Variants in CUX2 observed in about 807,000 individuals in gnomAD.
The protein encoded by CUX2 is homeobox protein cut-like 2.
CUX2 carries 40 observed loss-of-function variants against 144.8 expected under a neutral mutation model. The ratio of observed to expected loss-of-function variants is 0.28; its 90% CI spans 0.21 to 0.36. The LOEUF is 0.36. CUX2 is among the 10% of genes least tolerant of loss of function. The pLI is 1.00. For synonymous variants in CUX2, 827 were observed against 875.6 expected, an observed-to-expected ratio of 0.94 and a Z score of 0.98; for missense variants, 1,615 against 1,994.0, an observed-to-expected ratio of 0.81 and a Z score of 3.62.
chr12:111,325,643 T>G (rs1887744199), intron 18 of CUX2, among the ~76,000 whole-genome samples: 1 of 142,784 alleles, frequency 7.0e-6, no homozygotes, highest in Admixed American at 7.1e-5. Flanking sequence ...GGGGTGGGTT[T>G]TGTTTATAGT....
At chr12:111,082,022 T>G (rs983378355) in intron 1 of CUX2, among the ~76,000 whole-genome samples, 2 of 152,222 alleles carry the variant, frequency 1.3e-5, no homozygotes, top group African/African-American at 4.8e-5. Context: ...TTGCTCTTCC[T>G]TGGGGTGGTG....
At chr12:111,131,395 A>G (rs1875468983) in intron 1 of CUX2, among the ~76,000 whole-genome samples, 1 of 152,176 alleles carries the variant, frequency 6.6e-6, no homozygotes, top group Non-Finnish European at 1.5e-5. Context: ...GGGTTGGGGC[A>G]CAGCCAAACC....
In CUX2 at chr12:111,044,970, A is replaced by G. The variant is rs577751553; in HGVS notation, c.63+10730A>G. Among the ~76,000 whole-genome samples the G allele has an allele frequency of 4.6e-5, 7 of 152,282 alleles. 1 individual carries two copies. The South Asian group carries it at 6.2e-4, about 14-fold the overall frequency. On this transcript the variant is annotated intron_variant, in intron 1 of 21. Coordinates refer to ENST00000261726, the MANE Select transcript of CUX2 (RefSeq NM_015267.4). ...CAGCTCCCATCTAATTAGTATATCT[A>G]TTTATTAATTGCTGGAAGGCTGCAG... is the stretch of plus-strand genomic sequence containing the variant.
chr12:111,079,871 A>G (rs1871772577), intron 1 of CUX2, among the ~76,000 whole-genome samples: 1 of 152,184 alleles, frequency 6.6e-6, no homozygotes, highest in African/African-American at 2.4e-5. Flanking sequence ...GGTGACAAGC[A>G]GGTGCCCACA....
At chr12:111,228,424 G>A (rs531515719) in intron 3 of CUX2, among the ~76,000 whole-genome samples, 10 of 152,178 alleles carry the variant, frequency 6.6e-5, no homozygotes, top group Middle Eastern at 3.4e-3. Context: ...TGGTGTGTGT[G>A]TGTGTGTATA....
chr12:111,331,088 G>A (rs895181854), intron 18 of CUX2, among the ~76,000 whole-genome samples: 3 of 151,672 alleles, frequency 2.0e-5, no homozygotes, highest in African/African-American at 7.3e-5. Flanking sequence ...GGGGAGTGAG[G>A]GAAATGCTGT....
rs372192125 is a variant in CUX2 at position 111,113,112 on chromosome 12, G to A, written c.63+78872G>A. ...GGAACAGCATGAACAAAGACCCTGAGGCCTGGAGCCCCGAAGTTAATAGAG... is the reference window on the plus strand; with the variant it reads ...GGAACAGCATGAACAAAGACCCTGAAGCCTGGAGCCCCGAAGTTAATAGAG... On this transcript the variant is annotated intron_variant, in intron 1 of 21. Transcript: ENST00000261726. Among the ~76,000 whole-genome samples, 22 of 152,266 alleles carry A rather than the reference G, an allele frequency of 1.4e-4. No individual in the cohort carries two copies. In the East Asian group the frequency reaches 3.3e-3, roughly 23 times the overall value.
At chr12:111,211,241 G>A (rs1042643227) in intron 1 of CUX2, among the ~76,000 whole-genome samples, 1 of 152,220 alleles carries the variant, frequency 6.6e-6, no homozygotes, top group African/African-American at 2.4e-5. Context: ...GTGGATGTCA[G>A]TGACTTCGTC....
chr12:111,270,164 A>G (rs1884570713), intron 4 of CUX2: 1 of 151,384 alleles, frequency 6.6e-6, no homozygotes, highest in African/African-American at 2.4e-5. Context: ...AACCCCCTCC[A>G]TAAAAATAAC....
At chr12:111,262,891 C>T (rs977885697) in intron 3 of CUX2, among the ~76,000 whole-genome samples, 5 of 152,212 alleles carry the variant, frequency 3.3e-5, no homozygotes, top group African/African-American at 1.2e-4. Flanking sequence ...TTCCAGTCTA[C>T]CCTTTACTAA....
At chr12:111,163,115 C>T (rs1197581074) in intron 1 of CUX2, among the ~76,000 whole-genome samples, 1 of 151,916 alleles carries the variant, frequency 6.6e-6, no homozygotes, top group Admixed American at 6.6e-5. Context: ...TGCTGACTGG[C>T]TGCCTGACCT....
chr12:111,060,079 T>C (rs1308898765), intron 1 of CUX2, among the ~76,000 whole-genome samples: 1 of 152,098 alleles, frequency 6.6e-6, no homozygotes, highest in East Asian at 1.9e-4. Context: ...CTGTGAGAGA[T>C]CTTTATTGAA....
intron 3 of CUX2, among the ~76,000 whole-genome samples, chr12:111,261,731 T>G (rs1420099237): frequency 6.6e-6 from 1 of 152,078 alleles, no homozygotes; most frequent in Admixed American, 6.6e-5. Context: ...CGAAACCTCA[T>G]GTCTACTAAA....
chr12:111,236,288 T>G (rs994455341), intron 3 of CUX2, among the ~76,000 whole-genome samples: 2 of 152,198 alleles, frequency 1.3e-5, no homozygotes, highest in Non-Finnish European at 2.9e-5. Context: ...ATACTGTTCC[T>G]AGGAACATCA....
rs1886450205 is a variant in CUX2, at chr12:111,304,013, C to A, written c.754-197C>A. On this transcript the variant is annotated intron_variant, in intron 9 of 21. Coordinates refer to ENST00000261726, the MANE Select transcript of CUX2 (RefSeq NM_015267.4). This position sits in a 1 kb window ranked among gnomAD's most constrained non-coding sequence, Gnocchi z 4.7. Reference sequence around the variant, plus strand: ...CTCAGCTCAGGAGTAACCCCAGAGGCTGCTATTTCTTGTCCCCAGCCCAGA... The same window carrying A: ...CTCAGCTCAGGAGTAACCCCAGAGGATGCTATTTCTTGTCCCCAGCCCAGA... 1.8e-6 allele frequency: 1 copy of A among 552,424 alleles called. No homozygotes were observed. Among genetic ancestry groups the A allele is most frequent in the African/African-American group, 1.9e-5 (1 of 53,000 alleles). The allele number at this position is 552,424 out of a possible 1,614,324, so 34.2% of individuals were successfully genotyped here. A position where few individuals can be genotyped will look rare whatever the true frequency, so the allele number is the denominator to read the frequency against.
intron 1 of CUX2, among the ~76,000 whole-genome samples, chr12:111,135,395 T>C (rs1273718863): frequency 6.6e-6 from 1 of 152,126 alleles, no homozygotes; most frequent in African/African-American, 2.4e-5. Context: ...TGCAAAATGG[T>C]GCAGCTGCTG....
intron 19 of CUX2, among the ~76,000 whole-genome samples, chr12:111,335,733 C>T (rs1315064142): frequency 6.6e-6 from 1 of 151,922 alleles, no homozygotes; most frequent in East Asian, 1.9e-4. Context: ...AAAAAAGCTT[C>T]CTAAAATTAG....
At chr12:111,195,024 A>G (rs992695566) in intron 1 of CUX2, among the ~76,000 whole-genome samples, 3 of 152,072 alleles carry the variant, frequency 2.0e-5, no homozygotes, top group Admixed American at 6.5e-5. Context: ...GGGGTGTCAA[A>G]CTCCTATCCC....
At position 111,307,852 on chromosome 12, in the gene CUX2, G is replaced by T. The variant is rs1045932007; in HGVS notation, c.1110-433G>T. Among the ~76,000 whole-genome samples, 1 of 151,998 alleles carries T rather than the reference G, an allele frequency of 6.6e-6. No homozygotes were observed. ...ACAGAAATTAGCCAGGTGTGGTGGC[G>T]CTCACCTGTAGTCCCAGCTACTTGG... On this transcript the variant is annotated intron_variant, in intron 12 of 21. Coordinates refer to ENST00000261726, the MANE Select transcript of CUX2 (RefSeq NM_015267.4). This position sits in a 1 kb window ranked among gnomAD's most constrained non-coding sequence, Gnocchi z 4.1.
Sources: allele counts gnomAD v4.1 joint callset (sites outside exome capture counted in the v4.1 genomes callset), GRCh38; gene constraint gnomAD v4.1.1; non-coding constraint Gnocchi (gnomAD v3.1); transcripts MANE v1.5; gene names NCBI Gene and HGNC (gene_info 2026-07-23, HGNC 2026-07-21).